SYN3: variants seen among roughly 807,000 people sequenced by gnomAD.
SYN3 encodes the protein synapsin-3.
A neutral mutation model predicts 65.8 loss-of-function variants in SYN3; 35 were observed. The ratio of observed to expected loss-of-function variants is 0.53; its 90% confidence interval spans 0.41 to 0.70. The LOEUF is 0.70. Among genes scored for constraint, SYN3 ranks in the 30% least tolerant of loss-of-function variants. The pLI is 0.00. For synonymous variants in SYN3, 270 were observed against 292.9 expected (o/e 0.92, Z 0.80); for missense variants, 680 against 749.0 (o/e 0.91, Z 1.08).
In SYN3 at chr22:32,937,249, T is replaced by C. The variant is rs540537100; in HGVS notation, c.370-5768A>G. 2.6e-5 allele frequency among the ~76,000 whole-genome samples: 4 copies of C among 152,056 alleles called. No individual in the cohort carries two copies. In the South Asian group the frequency reaches 6.3e-4, roughly 24 times the overall value. On this transcript the variant is annotated intron_variant, in intron 3 of 13. Transcript: ENST00000358763. The stretch of plus-strand genomic sequence containing the variant: ...AAGAATGTAGATGGAAACAATACAA[T>C]GGGAGAGAAAGAAACATATTTTAAA...
intron 6 of SYN3, among the ~76,000 whole-genome samples, chr22:32,750,666 C>T (rs1375948579): frequency 2.6e-5 from 4 of 152,162 alleles, no homozygotes; most frequent in Non-Finnish European, 5.9e-5. Context: ...AGGGCAGAAA[C>T]CAGAAAGCCA....
chr22:32,976,398 G>T (rs1159045831), intron 3 of SYN3, among the ~76,000 whole-genome samples: 2 of 152,110 alleles, frequency 1.3e-5, no homozygotes, highest in African/African-American at 4.8e-5. Context: ...GACTGGCCGT[G>T]GTGATTTCAG....
chr22:32,861,259 A>G (rs1215358314), intron 6 of SYN3: 1 of 152,128 alleles, frequency 6.6e-6, no homozygotes, highest in Non-Finnish European at 1.5e-5. Flanking sequence ...GCAGAACCGC[A>G]GAGTGGGAAG....
intron 1 of SYN3, among the ~76,000 whole-genome samples, chr22:33,043,377 G>A (rs1348280949): frequency 2.0e-5 from 3 of 152,026 alleles, no homozygotes; most frequent in Non-Finnish European, 2.9e-5. Flanking sequence ...GCGAAACCCC[G>A]TCTCTACTAA....
intron 1 of SYN3, among the ~76,000 whole-genome samples, chr22:33,022,257 T>C (rs1270813526): frequency 1.3e-5 from 2 of 152,192 alleles, no homozygotes; most frequent in Non-Finnish European, 2.9e-5. Context: ...AATTTTAAAA[T>C]TCATGGAGAC....
chr22:33,027,138 T>G (rs1049648919), intron 1 of SYN3, among the ~76,000 whole-genome samples: 1 of 152,198 alleles, frequency 6.6e-6, no homozygotes, highest in Admixed American at 6.5e-5. Context: ...CCCTCTATAG[T>G]GTTTCCAATG....
At chr22:33,041,470 T>G (rs1159730919) in intron 1 of SYN3, among the ~76,000 whole-genome samples, 1 of 151,910 alleles carries the variant, frequency 6.6e-6, no homozygotes, top group African/African-American at 2.4e-5. Context: ...AATATTTTTT[T>G]GGATTTTTAG....
intron 1 of SYN3, among the ~76,000 whole-genome samples, chr22:33,028,666 G>GGTC (rs1482951281): frequency 1.5e-5 from 2 of 132,420 alleles, no homozygotes; most frequent in African/African-American, 6.4e-5. Flanking sequence ...TGGTGGTGGT[G>GGTC]GTGGTGGTGG....
intron 6 of SYN3, among the ~76,000 whole-genome samples, chr22:32,814,174 A>G (rs376583865): frequency 0.078 from 3,966 of 50,600 alleles, 77 homozygotes; most frequent in Non-Finnish European, 0.085. Context: ...GAGAAAGAGA[A>G]AGAAAGAAAA....
chr22:32,916,351 G>A (rs915661349), intron 4 of SYN3, among the ~76,000 whole-genome samples: 1 of 152,146 alleles, frequency 6.6e-6, no homozygotes. Flanking sequence ...GGGGTAGTTT[G>A]TTCCACAAAA....
intron 6 of SYN3, among the ~76,000 whole-genome samples, chr22:32,611,931 G>A (rs1409644649): frequency 6.6e-6 from 1 of 152,164 alleles, no homozygotes; most frequent in Non-Finnish European, 1.5e-5. Context: ...CTCTGGGAAG[G>A]AGAGATGGGA....
intron 1 of SYN3, among the ~76,000 whole-genome samples, chr22:33,028,685 GTGGTGA>G (rs1341918041): frequency 0.011 from 1,046 of 92,668 alleles, 19 homozygotes; most frequent in South Asian, 0.023. Context: ...GGTGGTGGTG[GTGGTGA>G]TGGTGGTGGT....
chr22:32,966,333 AG>A (rs1404139909), intron 3 of SYN3, among the ~76,000 whole-genome samples: 1 of 152,162 alleles, frequency 6.6e-6, no homozygotes, highest in Non-Finnish European at 1.5e-5. Context: ...GACGTGCATA[AG>A]CAAAGGCATG....
At chr22:33,001,731 T>C (rs562822948) in intron 2 of SYN3, among the ~76,000 whole-genome samples, 1 of 152,346 alleles carries the variant, frequency 6.6e-6, no homozygotes, top group East Asian at 1.9e-4. Flanking sequence ...CCTACTTACA[T>C]ACATTAACTC....
At chr22:32,776,890 C>G (rs934295056) in intron 6 of SYN3, among the ~76,000 whole-genome samples, 1 of 152,128 alleles carries the variant, frequency 6.6e-6, no homozygotes, top group East Asian at 1.9e-4. Flanking sequence ...CAGCAGGAGC[C>G]GCCCCCTATC....
At chr22:32,660,462 T>C (rs980286450) in intron 6 of SYN3, among the ~76,000 whole-genome samples, 3 of 152,168 alleles carry the variant, frequency 2.0e-5, no homozygotes, top group Non-Finnish European at 2.9e-5. Context: ...GCTGGGGTCA[T>C]TGAGAAACAG....
chr22:32,807,585 G>T (rs2046799629), intron 6 of SYN3, among the ~76,000 whole-genome samples: 1 of 149,568 alleles, frequency 6.7e-6, no homozygotes, highest in Non-Finnish European at 1.5e-5. Context: ...GTGTGCTATT[G>T]TCATCTCCAT....
intron 6 of SYN3, among the ~76,000 whole-genome samples, chr22:32,743,147 G>A (rs1329599966): frequency 6.6e-6 from 1 of 152,290 alleles, no homozygotes; most frequent in South Asian, 2.1e-4. Flanking sequence ...AGCTATTTCA[G>A]TTACCCCCTG....
rs577087367 is a variant in SYN3 at position 32,580,882 on chromosome 22, T to C, written c.774+15792A>G. ...CTAGATCATGGTCTAGCAGCATTGATATCACCTGGGAGCTTGTTAGAAATT... is the reference window on the plus strand; with the variant it reads ...CTAGATCATGGTCTAGCAGCATTGACATCACCTGGGAGCTTGTTAGAAATT... On this transcript the variant is annotated intron_variant, in intron 7 of 13. Transcript: ENST00000358763. Among the ~76,000 whole-genome samples the C allele has an allele frequency of 2.0e-5, 3 of 152,286 alleles. No homozygotes were observed. In the South Asian group the frequency reaches 6.2e-4, roughly 32 times the overall value.
Sources: allele counts gnomAD v4.1 joint callset (sites outside exome capture counted in the v4.1 genomes callset), GRCh38; gene constraint gnomAD v4.1.1; transcripts MANE v1.5; gene names NCBI Gene and HGNC (gene_info 2026-07-23, HGNC 2026-07-21).